The following MCM10 variants were observed in gnomAD, a reference collection of about 807,000 sequenced individuals.
MCM10 encodes minichromosome maintenance 10 replication initiation factor, also known as protein MCM10 homolog.
MCM10 carries 91 observed loss-of-function variants against 109.9 expected under a neutral mutation model. That is an observed-to-expected ratio of 0.83 (90% CI 0.70 to 0.99). The LOEUF (loss-of-function observed/expected upper bound fraction) is 0.99. MCM10 is among the 50% of genes least tolerant of loss of function. The pLI is 0.00. For synonymous variants in MCM10, 380 were observed against 387.2 expected, an observed-to-expected ratio of 0.98 and a Z score of 0.22; for missense variants, 1,077 against 1,061.2, an observed-to-expected ratio of 1.01 and a Z score of -0.21.
intron 5 of MCM10, among the ~76,000 whole-genome samples, chr10:13,174,621 A>C (rs1834116796): frequency 6.6e-6 from 1 of 152,146 alleles, no homozygotes; most frequent in Admixed American, 6.5e-5. Context: ...AATTAGATTA[A>C]ATTTAGTTAG....
In MCM10 at chr10:13,192,279, G is replaced by A; in HGVS notation, c.1541G>A (p.Cys514Tyr). 6.2e-7 allele frequency: 1 copy of A among 1,614,080 alleles called. No homozygotes were observed. The highest frequency in any genetic ancestry group is 8.5e-7 in the Non-Finnish European group (1 of 1,179,920). ...GGAATACCCCAGAAGAGCCTGTCTTGCTCTGAGGAGTTCAAGGAACTGATG... is the reference window on the plus strand; with the variant it reads ...GGAATACCCCAGAAGAGCCTGTCTTACTCTGAGGAGTTCAAGGAACTGATG... ...KLGIPQKSLS[C>Y]SEEFKELMDL... The change falls in exon 12 of 20, where the codon TGC becomes TAC. Residue 514 changes from cysteine (C) to tyrosine (Y), a missense_variant. Physicochemically the swap from Cys to Tyr is radical, Grantham distance 194. Transcript: ENST00000378714.
In MCM10 at chr10:13,172,937, A is replaced by G. The variant is rs375533152; in HGVS notation, c.592+172A>G. Among the ~76,000 whole-genome samples the G allele has an allele frequency of 2.6e-5, 4 of 152,278 alleles. No homozygotes were observed. Among genetic ancestry groups the G allele is most frequent in the South Asian group, 2.1e-4 (1 of 4,824 alleles). On this transcript the variant is annotated intron_variant, in intron 5 of 19. Coordinates refer to ENST00000378714, the MANE Select transcript of MCM10 (RefSeq NM_018518.5). The surrounding 1 kb of genome is among the most constrained non-coding windows in gnomAD (Gnocchi z 5.2). ...GATATATTTTGTGTTCTTCGTCTAC[A>G]TCTCAAAGTGCCTAGAAAATCCTTA...
Position 13,192,280 on chromosome 10 carries a change from C to T in MCM10, c.1542C>T (p.Cys514=). 1 of 1,614,070 alleles carries T rather than the reference C, an allele frequency of 6.2e-7. No homozygotes were observed. The highest frequency in any genetic ancestry group is 8.5e-7 in the Non-Finnish European group (1 of 1,179,920). Residue 514 remains cysteine (C), a synonymous_variant, in exon 12 of 20, where the codon TGC becomes TGT. Coordinates refer to ENST00000378714, the MANE Select transcript of MCM10 (RefSeq NM_018518.5). ...GAATACCCCAGAAGAGCCTGTCTTG[C>T]TCTGAGGAGTTCAAGGAACTGATGG... is the stretch of plus-strand genomic sequence containing the variant. ...KLGIPQKSLS[C]SEEFKELMDL... is the part of the protein sequence containing the mutation.
rs1202125698 is a variant in MCM10 at position 13,198,674 on chromosome 10, T to C, written c.2120-15T>C. On this transcript the variant is annotated splice_polypyrimidine_tract_variant and intron_variant, in intron 15 of 19. Coordinates refer to ENST00000378714, the MANE Select transcript of MCM10 (RefSeq NM_018518.5). ...ATTTCTTGGTCGCTGCTAATGTTTG[T>C]TCCTTGTGCCCTAGCTGAGGATGAA... 5.8e-6 allele frequency: 9 copies of C among 1,561,902 alleles called. No homozygotes were observed. Among genetic ancestry groups the C allele is most frequent in the Non-Finnish European group, 7.9e-6 (9 of 1,132,956 alleles).
chr10:13,199,481 G>C (rs1274338686), intron 16 of MCM10, among the ~76,000 whole-genome samples: 2 of 152,032 alleles, frequency 1.3e-5, no homozygotes, highest in Non-Finnish European at 2.9e-5. Flanking sequence ...TTTTATATTG[G>C]CATTTCAAAT....
chr10:13,163,780 C>G (rs932411094), intron 1 of MCM10, among the ~76,000 whole-genome samples: 7 of 152,146 alleles, frequency 4.6e-5, no homozygotes, highest in Non-Finnish European at 1.0e-4. Flanking sequence ...ATGCGCCCAC[C>G]TTAGCTTCCC....
In MCM10 at chr10:13,171,089, G is replaced by T; in HGVS notation, c.175G>T (p.Ala59Ser). ...CGACGGTGAATCTTATACAGAAGAGGCTGATGATGGAGAAACAGGAGAGAC... is the reference window on the plus strand; with the variant it reads ...CGACGGTGAATCTTATACAGAAGAGTCTGATGATGGAGAAACAGGAGAGAC... ...DGDGESYTEE[A>S]DDGETGETRD... The change falls in exon 3 of 20, where the codon GCT becomes TCT. Residue 59 changes from alanine (A) to serine (S), a missense_variant. Coordinates refer to ENST00000378714, the MANE Select transcript of MCM10 (RefSeq NM_018518.5). 6.2e-7 allele frequency: 1 copy of T among 1,614,206 alleles called. No homozygotes were observed. Among genetic ancestry groups the T allele is most frequent in the Non-Finnish European group, 8.5e-7 (1 of 1,180,044 alleles).
intron 9 of MCM10, 99 bp from the exon 10 acceptor site, chr10:13,188,782 C>T (rs148057855): frequency 1.8e-4 from 180 of 1,025,248 alleles, no homozygotes; most frequent in African/African-American, 1.6e-3. Flanking sequence ...ACTCTGCATG[C>T]GTCATGTTCC....
Position 13,190,683 on chromosome 10 carries a change from C to T in MCM10, c.1416-616C>T, listed in dbSNP as rs190632450. 3.5e-3 allele frequency among the ~76,000 whole-genome samples: 537 copies of T among 151,558 alleles called. 1 individual carries two copies. The highest frequency in any genetic ancestry group is 0.012 in the African/African-American group (508 of 41,314). On this transcript the variant is annotated intron_variant, in intron 10 of 19. Transcript: ENST00000378714. ...GCTGGACAACAGAGTGAGATCTTGT[C>T]TCAAAAAAAAAACCCCAAACTGTTA... is the stretch of plus-strand genomic sequence containing the variant.
intron 2 of MCM10, among the ~76,000 whole-genome samples, chr10:13,168,458 T>A (rs2131555576): frequency 6.6e-6 from 1 of 152,324 alleles, no homozygotes; most frequent in South Asian, 2.1e-4. Flanking sequence ...TGAACTGATC[T>A]GTTTCTCCAT....
intron 11 of MCM10, 146 bp from the exon 12 acceptor site, chr10:13,192,109 A>C: frequency 1.7e-6 from 1 of 598,218 alleles, no homozygotes; most frequent in South Asian, 2.1e-5. Flanking sequence ...ATAGAGGTTA[A>C]GGATTCTTTT....
intron 18 of MCM10, among the ~76,000 whole-genome samples, chr10:13,204,992 A>G (rs12769680): frequency 0.32 from 3,272 of 10,242 alleles, 279 homozygotes; most frequent in African/African-American, 0.45. Flanking sequence ...TCATGTATGT[A>G]TGTATGTATG....
chr10:13,165,147 G>A (rs1833977627), intron 2 of MCM10, among the ~76,000 whole-genome samples: 3 of 152,012 alleles, frequency 2.0e-5, no homozygotes, highest in Admixed American at 1.3e-4. Context: ...GTTTTTTCCT[G>A]TACATACATA....
chr10:13,172,807 T>C lies in MCM10; in HGVS notation c.592+42T>C, dbSNP rs754608917. 6.2e-6 allele frequency: 10 copies of C among 1,602,408 alleles called. No individual in the cohort carries two copies. The highest frequency in any genetic ancestry group is 1.7e-5 in the Admixed American group (1 of 59,788). On this transcript the variant is annotated intron_variant, in intron 5 of 19. Coordinates refer to ENST00000378714, the MANE Select transcript of MCM10 (RefSeq NM_018518.5). The surrounding 1 kb of genome is among the most constrained non-coding windows in gnomAD (Gnocchi z 5.2). The stretch of plus-strand genomic sequence containing the variant: ...CTCAGTATCTTGGCACTATTGTATG[T>C]GTTTATGTGTGTGGGGGTGTTCATG...
chr10:13,196,746 C>G (rs1834426730), intron 14 of MCM10, among the ~76,000 whole-genome samples: 1 of 151,934 alleles, frequency 6.6e-6, no homozygotes, highest in South Asian at 2.1e-4. Flanking sequence ...CTCCTGACCT[C>G]AAGTGATCCA....
intron 1 of MCM10, among the ~76,000 whole-genome samples, chr10:13,163,212 G>A (rs1408458866): frequency 1.3e-5 from 2 of 152,098 alleles, no homozygotes; most frequent in Non-Finnish European, 2.9e-5. Context: ...GGTAGTGCAC[G>A]TTTGTAATCC....
At chr10:13,195,940 G>T (rs987722914) in intron 14 of MCM10, among the ~76,000 whole-genome samples, 1 of 151,928 alleles carries the variant, frequency 6.6e-6, no homozygotes, top group African/African-American at 2.4e-5. Context: ...CTATCCCCCT[G>T]TCACCCATGC....
At chr10:13,203,408 T>C (rs1470474374) in intron 17 of MCM10, among the ~76,000 whole-genome samples, 2 of 152,190 alleles carry the variant, frequency 1.3e-5, no homozygotes, top group Non-Finnish European at 1.5e-5. Context: ...ACCCAGATCA[T>C]CTAGGACAAT....
chr10:13,172,810 TTATG>T lies in MCM10; in HGVS notation c.592+47_592+50del. The T allele has an allele frequency of 6.2e-7, 1 of 1,602,770 alleles. No individual in the cohort carries two copies. The highest frequency in any genetic ancestry group is 1.1e-5 in the South Asian group (1 of 90,342). ...AGTATCTTGGCACTATTGTATGTGT[TTATG>T]TGTGTGGGGGTGTTCATGTGTGTGT... On this transcript the variant is annotated intron_variant, in intron 5 of 19. Coordinates refer to ENST00000378714, the MANE Select transcript of MCM10 (RefSeq NM_018518.5). This position sits in a 1 kb window ranked among gnomAD's most constrained non-coding sequence, Gnocchi z 5.2.
Sources: allele counts gnomAD v4.1 joint callset (sites outside exome capture counted in the v4.1 genomes callset), GRCh38; gene constraint gnomAD v4.1.1; non-coding constraint Gnocchi (gnomAD v3.1); transcripts MANE v1.5; gene names NCBI Gene and HGNC (gene_info 2026-07-23, HGNC 2026-07-21).